SLC41A3: variants seen among roughly 807,000 people sequenced by gnomAD.
SLC41A3 encodes SLC41A1-like 2.
Under a neutral mutation model 45.4 loss-of-function variants are expected in SLC41A3, and 44 were observed. That is an observed-to-expected ratio of 0.97 (90% CI 0.76 to 1.25). The LOEUF is 1.25. SLC41A3 is among the 50% of genes most tolerant of loss of function. The probability of loss-of-function intolerance (pLI) is 0.00; values close to 1 mark genes in which losing one functional copy is unlikely to be tolerated. For missense variants in SLC41A3, 550 were observed against 600.6 expected, an observed-to-expected ratio of 0.92 and a Z score of 0.88; for synonymous variants, 256 against 252.4, an observed-to-expected ratio of 1.01 and a Z score of -0.13.
intron 9 of SLC41A3, among the ~76,000 whole-genome samples, chr3:126,011,175 C>A (rs1038319911): frequency 2.0e-4 from 30 of 151,974 alleles, no homozygotes; most frequent in Non-Finnish European, 1.0e-4. Context: ...CACAAACCCA[C>A]CTGAAACAAA....
intron 2 of SLC41A3, among the ~76,000 whole-genome samples, chr3:126,061,769 T>G (rs552407948): frequency 2.2e-4 from 34 of 151,912 alleles, no homozygotes; most frequent in African/African-American, 8.2e-4. Context: ...CAGCTCTCCC[T>G]GCCTGTTCTT....
intron 2 of SLC41A3, among the ~76,000 whole-genome samples, chr3:126,065,349 T>C (rs1231189319): frequency 1.3e-5 from 2 of 152,230 alleles, no homozygotes; most frequent in Admixed American, 1.3e-4. Context: ...ATAAAACTGA[T>C]ACAAAAACCA....
chr3:126,096,988 G>A (rs765531759), intron 1 of SLC41A3, among the ~76,000 whole-genome samples: 2 of 152,198 alleles, frequency 1.3e-5, no homozygotes, highest in Admixed American at 6.5e-5. Context: ...GAAAAGGAAT[G>A]GAAGTTTATT....
chr3:126,015,267 C>A (rs1940156641), intron 8 of SLC41A3, among the ~76,000 whole-genome samples: 1 of 152,164 alleles, frequency 6.6e-6, no homozygotes, highest in South Asian at 2.1e-4. Flanking sequence ...TGTGAGGAGC[C>A]GGGTCTGAGC....
At chr3:126,050,492 G>A (rs1294042175) in intron 3 of SLC41A3, among the ~76,000 whole-genome samples, 1 of 152,194 alleles carries the variant, frequency 6.6e-6, no homozygotes, top group African/African-American at 2.4e-5. Flanking sequence ...AAGCATTCAG[G>A]GAGCCATTCT....
upstream of SLC41A3, among the ~76,000 whole-genome samples, chr3:126,085,042 A>G (rs997911336): frequency 8.5e-5 from 13 of 152,172 alleles, no homozygotes; most frequent in South Asian, 2.1e-4. Context: ...GGTCTCCACA[A>G]CCTCTTAACC....
chr3:126,015,659 C>T, intron 7 of SLC41A3, 86 bp from the exon 8 acceptor site: 8 of 1,313,926 alleles, frequency 6.1e-6, no homozygotes, highest in Non-Finnish European at 8.7e-6. Context: ...ACCCTTTCAG[C>T]CCAGCTTCCC....
chr3:126,020,500 C>T (rs952254163), intron 6 of SLC41A3, among the ~76,000 whole-genome samples: 6 of 152,268 alleles, frequency 3.9e-5, no homozygotes, highest in South Asian at 4.1e-4. Flanking sequence ...CCAATTTTCC[C>T]GCCGTTTCCA....
chr3:126,010,285 C>CA (rs1939568696), intron 9 of SLC41A3, among the ~76,000 whole-genome samples: 1 of 152,308 alleles, frequency 6.6e-6, no homozygotes, highest in South Asian at 2.1e-4. Context: ...CCAGCCTGGC[C>CA]AACATGGTGA....
At chr3:126,087,794 T>TAA (rs34149710), upstream of SLC41A3, among the ~76,000 whole-genome samples, 5 of 90,938 alleles carry the variant, frequency 5.5e-5, no homozygotes, top group African/African-American at 2.5e-4. Flanking sequence ...GGAATTTGTT[T>TAA]AAAAAAAAAA....
upstream of SLC41A3, among the ~76,000 whole-genome samples, chr3:126,089,222 A>G (rs7617916): frequency 0.56 from 85,699 of 151,938 alleles, 24,589 homozygotes; most frequent in Middle Eastern, 0.67. Flanking sequence ...CTGCTTGAGA[A>G]GCCTTATCAA....
At chr3:126,044,639 T>C (rs143125749) in intron 3 of SLC41A3, among the ~76,000 whole-genome samples, 171 of 152,246 alleles carry the variant, frequency 1.1e-3, no homozygotes, top group African/African-American at 4.0e-3. Flanking sequence ...CTCACGCCTG[T>C]AATCCCAGCA....
intron 2 of SLC41A3, among the ~76,000 whole-genome samples, chr3:126,057,367 AAGG>A (rs1435191460): frequency 3.9e-5 from 6 of 152,292 alleles, no homozygotes; most frequent in East Asian, 1.9e-4. Flanking sequence ...TCACCCAGAG[AAGG>A]AGAAGGGGCT....
At chr3:126,047,956 G>C (rs1943072671) in intron 3 of SLC41A3, among the ~76,000 whole-genome samples, 1 of 152,152 alleles carries the variant, frequency 6.6e-6, no homozygotes, top group African/African-American at 2.4e-5. Flanking sequence ...TACAGAACTG[G>C]AGAAAGTATT....
At chr3:126,076,737 C>T (rs931565557) in intron 1 of SLC41A3, among the ~76,000 whole-genome samples, 9 of 152,260 alleles carry the variant, frequency 5.9e-5, no homozygotes, top group South Asian at 2.1e-4. Flanking sequence ...GACCATTCCT[C>T]GATCTGTTTT....
intron 2 of SLC41A3, chr3:126,056,483 G>A: frequency 6.2e-7 from 1 of 1,614,198 alleles, no homozygotes. Flanking sequence ...GACCGGGTAA[G>A]CTCACAGCTG....
intron 1 of SLC41A3, among the ~76,000 whole-genome samples, chr3:126,079,377 A>G (rs1365354881): frequency 1.3e-5 from 2 of 152,218 alleles, no homozygotes; most frequent in Non-Finnish European, 2.9e-5. Flanking sequence ...TCTGTAGGAC[A>G]AAACTTCTAA....
intron 8 of SLC41A3, among the ~76,000 whole-genome samples, chr3:126,013,043 C>T (rs529546265): frequency 1.7e-4 from 26 of 151,600 alleles, no homozygotes; most frequent in African/African-American, 5.6e-4. Flanking sequence ...TTGGCTGGAG[C>T]GAGGATGGGA....
At position 126,007,244 on chromosome 3, in the gene SLC41A3, G is replaced by T; in HGVS notation, c.1255-19C>A. The T allele has an allele frequency of 6.2e-7, 1 of 1,611,752 alleles. No homozygotes were observed. Among genetic ancestry groups the T allele is most frequent in the South Asian group, 1.1e-5 (1 of 90,684 alleles). ...TTGTCACCTGTCAGAAGGGCAAAGA[G>T]ACACAAAAGAAGACCAAGTCAGAAA... On this transcript the variant is annotated intron_variant, in intron 10 of 10. Transcript: ENST00000360370.
Sources: gnomAD v4.1 joint callset for allele counts (sites outside exome capture counted in the v4.1 genomes callset) on GRCh38, gnomAD v4.1.1 for gene constraint, MANE v1.5 for transcripts, NCBI Gene and HGNC (gene_info 2026-07-23, HGNC 2026-07-21) for gene names.